The following KCNH8 variants were observed in gnomAD, a reference collection of about 807,000 sequenced individuals.
KCNH8 encodes the protein voltage-gated delayed rectifier potassium channel KCNH8.
In KCNH8, 70 loss-of-function variants were observed where a neutral mutation model predicts 103.6. The ratio of observed to expected loss-of-function variants is 0.68; its 90% CI spans 0.56 to 0.82. KCNH8 has a LOEUF of 0.82. Ranked by LOEUF, KCNH8 falls within the 40% of genes least tolerant of loss-of-function variation. The pLI, the probability that KCNH8 is intolerant of heterozygous loss-of-function variation, is 0.00. For synonymous variants in KCNH8, 498 were observed against 489.4 expected (o/e 1.02, Z -0.23); for missense variants, 1,217 against 1,329.9 (o/e 0.92, Z 1.32).
At chr3:19,438,465 C>A in intron 8 of KCNH8, 104 bp downstream of exon 8, 1 of 929,562 alleles carries the variant, frequency 1.1e-6, no homozygotes, top group Non-Finnish European at 1.6e-6. Flanking sequence ...AACTGATTAA[C>A]ACTGGAAGAT....
intron 5 of KCNH8, among the ~76,000 whole-genome samples, chr3:19,373,462 G>A (rs887693249): frequency 1.3e-5 from 2 of 151,916 alleles, no homozygotes; most frequent in Non-Finnish European, 2.9e-5. Flanking sequence ...GTTATGTCCC[G>A]TTTATCATTT....
intron 4 of KCNH8, among the ~76,000 whole-genome samples, chr3:19,346,036 T>C (rs2065724221): frequency 6.6e-6 from 1 of 152,078 alleles, no homozygotes; most frequent in Non-Finnish European, 1.5e-5. Flanking sequence ...TCAAACAATG[T>C]AAAATTTTAA....
intron 7 of KCNH8, among the ~76,000 whole-genome samples, chr3:19,429,391 G>A: frequency 6.6e-6 from 1 of 150,956 alleles, no homozygotes; most frequent in African/African-American, 2.4e-5. Context: ...AGCCATGATG[G>A]TCTCCATCTC....
chr3:19,446,403 C>A (rs1046101227), intron 8 of KCNH8, among the ~76,000 whole-genome samples: 10 of 152,044 alleles, frequency 6.6e-5, no homozygotes, highest in Non-Finnish European at 1.3e-4. Context: ...TACACACACA[C>A]TACCCTGACA....
Position 19,316,695 on chromosome 3 carries a change from T to G in KCNH8, c.443-25892T>G, listed in dbSNP as rs781356401. 4.7e-4 allele frequency among the ~76,000 whole-genome samples: 72 copies of G among 151,942 alleles called. 1 individual carries two copies. Among genetic ancestry groups the G allele is most frequent in the Admixed American group, 4.7e-3 (72 of 15,212 alleles). ...TTGATTCTGCTCTTCAACCAGAGAT[T>G]GCATGCAGAGCAGCAATGGTGGAGT... On this transcript the variant is annotated intron_variant, in intron 3 of 15. Transcript: ENST00000328405.
rs1268389087 is a variant in KCNH8, at chr3:19,174,408, CA to C, written c.76+25615del. On this transcript the variant is annotated intron_variant, in intron 1 of 15. Transcript: ENST00000328405. ...CCAAAGGATCATACGGACGTCTTGA[CA>C]AGTTCACATATCTTAGTATTCTGTC... Among the ~76,000 whole-genome samples, 3 of 152,214 alleles carry C rather than the reference CA, an allele frequency of 2.0e-5. No individual in the cohort carries two copies. In the East Asian group the frequency reaches 5.8e-4, roughly 29 times the overall value.
chr3:19,518,056 A>G lies in KCNH8; in HGVS notation c.2601A>G (p.Ile867Met). ...FIKAEETKQQ[I>M]NKLNSEVTTL... is the part of the protein sequence containing the mutation. The stretch of plus-strand genomic sequence containing the variant: ...AAGCAGAGGAGACCAAGCAGCAGAT[A>G]AACAAACTCAACAGTGAGGTATGGA... The change falls in exon 15 of 16, where the codon ATA (isoleucine) becomes ATG (methionine). Residue 867 changes from isoleucine to methionine, a missense_variant. By Grantham distance (10) the Ile-to-Met change is conservative. Transcript: ENST00000328405. The G allele has an allele frequency of 6.2e-7, 1 of 1,611,978 alleles. No homozygotes were observed. Among genetic ancestry groups the G allele is most frequent in the Non-Finnish European group, 8.5e-7 (1 of 1,178,556 alleles).
intron 1 of KCNH8, among the ~76,000 whole-genome samples, chr3:19,242,377 T>A (rs781639338): frequency 6.6e-6 from 1 of 152,046 alleles, no homozygotes; most frequent in Non-Finnish European, 1.5e-5. Context: ...GCAACCACTT[T>A]ATGAGAATAT....
At chr3:19,289,386 C>G (rs2064884735) in intron 3 of KCNH8, among the ~76,000 whole-genome samples, 1 of 152,104 alleles carries the variant, frequency 6.6e-6, no homozygotes, top group Non-Finnish European at 1.5e-5. Context: ...TTTAATCTAT[C>G]TTGATTAATT....
At chr3:19,234,946 A>G (rs2064045200) in intron 1 of KCNH8, among the ~76,000 whole-genome samples, 1 of 152,242 alleles carries the variant, frequency 6.6e-6, no homozygotes, top group Non-Finnish European at 1.5e-5. Context: ...CCACTCTGTG[A>G]CACTGAACTG....
In KCNH8 at chr3:19,163,017, T is replaced by C. The variant is rs571067815; in HGVS notation, c.76+14222T>C. On this transcript the variant is annotated intron_variant, in intron 1 of 15. Coordinates refer to ENST00000328405, the MANE Select transcript of KCNH8 (RefSeq NM_144633.3). The stretch of plus-strand genomic sequence containing the variant: ...CAATTAAAATTTTTATGGTCTGTTG[T>C]GAATAGTTTATGGAAGATGTCAACA... Among the ~76,000 whole-genome samples the C allele has an allele frequency of 1.1e-4, 17 of 152,092 alleles. 1 individual carries two copies. In the South Asian group the frequency reaches 3.5e-3, roughly 32 times the overall value.
intron 1 of KCNH8, among the ~76,000 whole-genome samples, chr3:19,251,768 A>C (rs1165044131): frequency 6.6e-6 from 1 of 152,102 alleles, no homozygotes; most frequent in Non-Finnish European, 1.5e-5. Flanking sequence ...GGTATATGGG[A>C]AAAATAAGTG....
At chr3:19,446,338 A>G (rs1407211318) in intron 8 of KCNH8, among the ~76,000 whole-genome samples, 5 of 152,096 alleles carry the variant, frequency 3.3e-5, no homozygotes, top group African/African-American at 9.6e-5. Flanking sequence ...TTCAGTTTCA[A>G]TGAAGCATTA....
intron 1 of KCNH8, among the ~76,000 whole-genome samples, chr3:19,207,635 A>T (rs1422440851): frequency 1.3e-5 from 2 of 152,032 alleles, no homozygotes; most frequent in Non-Finnish European, 2.9e-5. Flanking sequence ...ACTCTCACGA[A>T]TAGACATTCC....
intron 11 of KCNH8, among the ~76,000 whole-genome samples, chr3:19,458,771 A>G (rs1450947047): frequency 2.0e-5 from 3 of 151,950 alleles, no homozygotes; most frequent in Admixed American, 2.0e-4. Context: ...GCCCCAGCTC[A>G]TGGTAACCAT....
intron 11 of KCNH8, among the ~76,000 whole-genome samples, chr3:19,473,578 G>C (rs2067908049): frequency 6.6e-6 from 1 of 152,090 alleles, no homozygotes; most frequent in Non-Finnish European, 1.5e-5. Context: ...GAGTAAATTT[G>C]TGAAATCACC....
rs151253374 is a variant in KCNH8, at chr3:19,347,943, A to G, written c.789A>G (p.Ala263=). The change falls in exon 5 of 16, where the codon GCA becomes GCG. Residue 263 remains alanine, a synonymous_variant. Transcript: ENST00000328405. The part of the protein sequence containing the change: ...TTRSTTVSDI[A]VEILFIIDII... ...GGAGCACAACCGTCAGTGACATTGCAGTGGAGATTCTTTTTATTATAGGTA... is the reference window on the plus strand; with the variant it reads ...GGAGCACAACCGTCAGTGACATTGCGGTGGAGATTCTTTTTATTATAGGTA... 5 of 1,612,882 alleles carry G rather than the reference A, an allele frequency of 3.1e-6. No individual in the cohort carries two copies. The highest frequency in any genetic ancestry group is 4.2e-6 in the Non-Finnish European group (5 of 1,179,300).
chr3:19,218,329 A>C (rs943933098), intron 1 of KCNH8, among the ~76,000 whole-genome samples: 2 of 152,212 alleles, frequency 1.3e-5, no homozygotes, highest in East Asian at 3.8e-4. Flanking sequence ...ATCCACCAGC[A>C]GTGGTCTGCT....
At chr3:19,338,628 T>C (rs1050560522) in intron 3 of KCNH8, among the ~76,000 whole-genome samples, 3 of 152,134 alleles carry the variant, frequency 2.0e-5, no homozygotes, top group African/African-American at 4.8e-5. Flanking sequence ...TATTGTATTT[T>C]CTAGCCTCTT....
Sources: allele counts gnomAD v4.1 joint callset (sites outside exome capture counted in the v4.1 genomes callset), GRCh38; gene constraint gnomAD v4.1.1; transcripts MANE v1.5; gene names NCBI Gene and HGNC (gene_info 2026-07-23, HGNC 2026-07-21).